GABRB3: variants seen among roughly 807,000 people sequenced by gnomAD.
The protein encoded by GABRB3 is gamma-aminobutyric acid receptor subunit beta-3.
In GABRB3, 14 loss-of-function variants were observed where a neutral mutation model predicts 52.1. The ratio of observed to expected loss-of-function variants is 0.27; its 90% CI spans 0.18 to 0.42. GABRB3 has a LOEUF of 0.42. Among genes scored for constraint, GABRB3 ranks in the 10% least tolerant of loss-of-function variants. The pLI is 1.00. For synonymous variants in GABRB3, 260 were observed against 232.3 expected, an observed-to-expected ratio of 1.12 and a Z score of -1.08; for missense variants, 307 against 609.1, an observed-to-expected ratio of 0.50 and a Z score of 5.22.
At position 26,580,311 on chromosome 15, in the gene GABRB3, G is replaced by A. The variant is rs1890741301; in HGVS notation, c.682+8C>T. 6.2e-7 allele frequency: 1 copy of A among 1,614,040 alleles called. No homozygotes were observed. The highest frequency in any genetic ancestry group is 1.3e-5 in the African/African-American group (1 of 74,928). On this transcript the variant is annotated splice_region_variant and intron_variant, in intron 6 of 8. Transcript: ENST00000311550. ...CCTGAAGGGACTATAAGTGGATGCA[G>A]GACTCACCTGTGGCGAAGACAACAT... is the stretch of plus-strand genomic sequence containing the variant.
At chr15:26,731,859 G>A (rs1188704284) in intron 3 of GABRB3, among the ~76,000 whole-genome samples, 1 of 150,048 alleles carries the variant, frequency 6.7e-6, no homozygotes, top group African/African-American at 2.5e-5. Context: ...GGTAAATGTG[G>A]CTAAAATGAA....
intron 3 of GABRB3, among the ~76,000 whole-genome samples, chr15:26,688,429 T>C (rs1223284276): frequency 6.6e-6 from 1 of 152,190 alleles, no homozygotes; most frequent in Non-Finnish European, 1.5e-5. Flanking sequence ...TATCTGTCCA[T>C]GGATTAAGCT....
rs974413010 is a variant in GABRB3, at chr15:26,772,219, C to T, written c.240+183G>A. The T allele has an allele frequency of 1.2e-4, 59 of 507,662 alleles. No homozygotes were observed. The African/African-American group carries it at 1.2e-3, about 10-fold the overall frequency. The allele number at this position is 507,662 out of a possible 1,614,324, so 31.4% of individuals were successfully genotyped here. On this transcript the variant is annotated intron_variant, in intron 3 of 8. Transcript: ENST00000311550. ...CTCCGACGCCAGCCAGGCCCCCGAG[C>T]GCCCGGGGCGGGTGCAGGGAGCCGG...
chr15:26,658,950 G>A (rs188677969), intron 3 of GABRB3, among the ~76,000 whole-genome samples: 14 of 152,316 alleles, frequency 9.2e-5, no homozygotes, highest in Admixed American at 9.2e-4. Context: ...AAAATAAATT[G>A]ATCAAATTGT....
intron 4 of GABRB3, among the ~76,000 whole-genome samples, chr15:26,609,945 T>C (rs1480775810): frequency 2.0e-5 from 3 of 152,152 alleles, no homozygotes; most frequent in Non-Finnish European, 4.4e-5. Flanking sequence ...ATCTTCAAAC[T>C]CGAAAAACTT....
At chr15:26,582,070 C>A (rs564973239) in intron 5 of GABRB3, among the ~76,000 whole-genome samples, 6 of 152,126 alleles carry the variant, frequency 3.9e-5, no homozygotes, top group Non-Finnish European at 7.3e-5. Flanking sequence ...GTAGTCAGAC[C>A]AGAAGAAAAT....
intron 6 of GABRB3, among the ~76,000 whole-genome samples, chr15:26,568,368 C>T (rs1050378676): frequency 2.6e-5 from 4 of 152,166 alleles, no homozygotes; most frequent in Non-Finnish European, 2.9e-5. Context: ...TGTTAATTCT[C>T]GGATGTGAAC....
At position 26,704,520 on chromosome 15, in the gene GABRB3, T is replaced by C. The variant is rs868320780; in HGVS notation, c.240+67882A>G. Among the ~76,000 whole-genome samples the C allele has an allele frequency of 4.6e-5, 7 of 152,350 alleles. No homozygotes were observed. The Middle Eastern group carries it at 0.01, about 222-fold the overall frequency. ...TAAACACATTTTTTTAGTCTTTAAA[T>C]GGCCAGGCTGAGAATTTTGCAAATC... On this transcript the variant is annotated intron_variant, in intron 3 of 8. Coordinates refer to ENST00000311550, the MANE Select transcript of GABRB3 (RefSeq NM_000814.6).
chr15:26,696,182 C>A (rs942168401), intron 3 of GABRB3, among the ~76,000 whole-genome samples: 1 of 152,150 alleles, frequency 6.6e-6, no homozygotes, highest in Non-Finnish European at 1.5e-5. Context: ...TCCACAGGTG[C>A]ACACATACTG....
At chr15:26,726,360 A>C (rs1889770602) in intron 3 of GABRB3, among the ~76,000 whole-genome samples, 1 of 152,238 alleles carries the variant, frequency 6.6e-6, no homozygotes, top group African/African-American at 2.4e-5. Context: ...CAGTAAAATG[A>C]TCAAAACCAG....
intron 3 of GABRB3, among the ~76,000 whole-genome samples, chr15:26,712,342 T>G (rs963233874): frequency 1.3e-5 from 2 of 151,766 alleles, no homozygotes; most frequent in African/African-American, 4.8e-5. Flanking sequence ...AGGGAATAAA[T>G]GTGGTTTTCT....
At chr15:26,658,413 G>A (rs2140605156) in intron 3 of GABRB3, 1 of 152,302 alleles carries the variant, frequency 6.6e-6, no homozygotes, top group South Asian at 2.1e-4. Context: ...GCTCTATCTA[G>A]GCAGCAGTCA....
chr15:26,544,442 T>A lies in GABRB3; in HGVS notation c.*3351A>T, dbSNP rs1889149943. 6.6e-6 allele frequency: 1 copy of A among 152,496 alleles called. No homozygotes were observed. The highest frequency in any genetic ancestry group is 2.4e-5 in the African/African-American group (1 of 41,440). The allele number at this position is 152,496 out of a possible 1,614,324, so 9.4% of individuals were successfully genotyped here. On this transcript the variant is annotated 3_prime_UTR_variant, in exon 9 of 9. Transcript: ENST00000311550. ...TGACTGAACATGTCAAAGTTCTGGG[T>A]GCTGGCGTTAAAAACACAATATTGC...
intron 7 of GABRB3, among the ~76,000 whole-genome samples, chr15:26,565,545 G>A (rs982909457): frequency 3.3e-5 from 5 of 152,156 alleles, no homozygotes; most frequent in African/African-American, 9.7e-5. Flanking sequence ...AAGCCACAGA[G>A]GCACAGTTTG....
At chr15:26,751,779 T>G (rs1192537171) in intron 3 of GABRB3, among the ~76,000 whole-genome samples, 1 of 152,144 alleles carries the variant, frequency 6.6e-6, no homozygotes, top group Non-Finnish European at 1.5e-5. Context: ...CTGTCAAATT[T>G]GTTCCTTTCC....
rs1889322746 is a variant in GABRB3 at position 26,548,033 on chromosome 15, G to A, written c.1182C>T (p.Ser394=). The change falls in exon 9 of 9, where the codon TCC becomes TCT. Residue 394 remains serine (S), a synonymous_variant. Coordinates refer to ENST00000311550, the MANE Select transcript of GABRB3 (RefSeq NM_000814.6). ...TGTACTGGATTCCTGAGTTGTCAAA[G>A]GATATTGCTGAATTCCTGGTATCGC... The part of the protein sequence containing the change: ...GIGDTRNSAI[S]FDNSGIQYRK... The A allele has an allele frequency of 6.2e-7, 1 of 1,614,134 alleles. No individual in the cohort carries two copies. Among genetic ancestry groups the A allele is most frequent in the African/African-American group, 1.3e-5 (1 of 75,034 alleles).
At chr15:26,736,007 T>C (rs1186008605) in intron 3 of GABRB3, among the ~76,000 whole-genome samples, 1 of 150,508 alleles carries the variant, frequency 6.6e-6, no homozygotes. Flanking sequence ...TATAATTCCA[T>C]TTATATGAGA....
intron 3 of GABRB3, among the ~76,000 whole-genome samples, chr15:26,661,189 A>G (rs942386374): frequency 6.6e-6 from 1 of 152,342 alleles, no homozygotes; most frequent in South Asian, 2.1e-4. Context: ...AAGGAGACTC[A>G]TGGTTCCTAA....
chr15:26,681,151 C>A (rs1888227645), intron 3 of GABRB3, among the ~76,000 whole-genome samples: 2 of 152,050 alleles, frequency 1.3e-5, no homozygotes, highest in African/African-American at 2.4e-5. Flanking sequence ...ACAAACCAAC[C>A]AACCAGCGGC....
Sources: allele counts gnomAD v4.1 joint callset (sites outside exome capture counted in the v4.1 genomes callset), GRCh38; gene constraint gnomAD v4.1.1; transcripts MANE v1.5; gene names NCBI Gene and HGNC (gene_info 2026-07-23, HGNC 2026-07-21).